The following STK39 variants were observed in gnomAD, a reference collection of about 807,000 sequenced individuals.
STK39 encodes the protein serine/threonine kinase 39, also known as STE20/SPS1-related proline-alanine-rich protein kinase.
STK39 carries 20 observed loss-of-function variants against 77.8 expected under a neutral mutation model. The observed-to-expected ratio is 0.26, with a 90% CI of 0.18 to 0.37. The LOEUF (loss-of-function observed/expected upper bound fraction) is 0.37, where lower values mean the gene tolerates loss of function less well. STK39 is among the 10% of genes least tolerant of loss of function. The pLI is 1.00. For missense variants in STK39, 479 were observed against 656.5 expected (o/e 0.73, Z 2.95); for synonymous variants, 246 against 234.1 (o/e 1.05, Z -0.47).
intron 1 of STK39, among the ~76,000 whole-genome samples, chr2:168,187,251 T>C (rs1689232082): frequency 6.6e-6 from 1 of 151,394 alleles, no homozygotes. Flanking sequence ...CTCAGGAGGG[T>C]GAGGTGGGAG....
In STK39 at chr2:168,090,006, T is replaced by C. The variant is rs544484778; in HGVS notation, c.1090-14775A>G. On this transcript the variant is annotated intron_variant, in intron 10 of 17. Transcript: ENST00000355999. ...CATTAAGTTTTTGAATGCATAGTAA[T>C]GTAAAGATATGAGTTCATGTTTATT... Among the ~76,000 whole-genome samples the C allele has an allele frequency of 1.9e-4, 29 of 152,364 alleles. No homozygotes were observed. In the East Asian group the frequency reaches 5.6e-3, roughly 29 times the overall value.
At chr2:167,972,977 TCCTGGC>T (rs1232258658) in intron 16 of STK39, among the ~76,000 whole-genome samples, 1 of 152,192 alleles carries the variant, frequency 6.6e-6, no homozygotes, top group Non-Finnish European at 1.5e-5. Context: ...CTGCATGCTT[TCCTGGC>T]CCTGTTCTTC....
intron 13 of STK39, among the ~76,000 whole-genome samples, chr2:168,064,973 C>G (rs1468509176): frequency 6.6e-6 from 1 of 152,188 alleles, no homozygotes; most frequent in Non-Finnish European, 1.5e-5. Flanking sequence ...ATTATGAAAA[C>G]AGGTTACAGA....
intron 10 of STK39, among the ~76,000 whole-genome samples, chr2:168,125,318 A>G (rs1687512822): frequency 6.6e-6 from 1 of 152,148 alleles, no homozygotes; most frequent in Non-Finnish European, 1.5e-5. Flanking sequence ...AGTACAGTAA[A>G]AGATGGAACA....
At chr2:168,061,088 G>C (rs895367011) in intron 14 of STK39, among the ~76,000 whole-genome samples, 1 of 152,164 alleles carries the variant, frequency 6.6e-6, no homozygotes, top group Admixed American at 6.5e-5. Flanking sequence ...TTTATCTAGA[G>C]TTGCAGTTCA....
intron 15 of STK39, 98 bp from the exon 16 acceptor site, chr2:168,012,800 C>T: frequency 3.1e-6 from 3 of 975,536 alleles, no homozygotes; most frequent in Admixed American, 3.4e-5. Context: ...ACTAAAATCG[C>T]CCATGAGTTT....
rs576785944 is a variant in STK39, at chr2:168,142,494, T to C, written c.629-1736A>G. Among the ~76,000 whole-genome samples the C allele has an allele frequency of 1.5e-3, 233 of 152,278 alleles. 1 individual carries two copies. Among genetic ancestry groups the C allele is most frequent in the African/African-American group, 5.4e-3 (225 of 41,582 alleles). Reference sequence around the variant, plus strand: ...TTATTTTAAATGCAATTGAAGCAACTCTGCACCCTAAAGTCTCTTCCTAAA... The same window carrying C: ...TTATTTTAAATGCAATTGAAGCAACCCTGCACCCTAAAGTCTCTTCCTAAA... On this transcript the variant is annotated intron_variant, in intron 5 of 17. Coordinates refer to ENST00000355999, the MANE Select transcript of STK39 (RefSeq NM_013233.3).
At chr2:168,034,307 A>G (rs1684898529) in intron 14 of STK39, among the ~76,000 whole-genome samples, 1 of 152,214 alleles carries the variant, frequency 6.6e-6, no homozygotes, top group African/African-American at 2.4e-5. Context: ...GCCCATGAGA[A>G]TCTGAGAAGT....
At chr2:168,231,099 T>C (rs1241057930) in intron 1 of STK39, among the ~76,000 whole-genome samples, 1 of 152,200 alleles carries the variant, frequency 6.6e-6, no homozygotes, top group Non-Finnish European at 1.5e-5. Flanking sequence ...TATGAAATAG[T>C]GATCCAGAAT....
intron 16 of STK39, among the ~76,000 whole-genome samples, chr2:167,966,601 T>C (rs1214898140): frequency 6.6e-6 from 1 of 151,976 alleles, no homozygotes; most frequent in East Asian, 1.9e-4. Flanking sequence ...TTCACAACCC[T>C]CTCTCCGGTG....
intron 1 of STK39, among the ~76,000 whole-genome samples, chr2:168,193,473 G>A (rs1285998235): frequency 6.6e-6 from 1 of 152,202 alleles, no homozygotes. Flanking sequence ...GAACATCATT[G>A]AGTGAGAAGG....
chr2:168,017,521 C>A (rs1188954897), intron 14 of STK39, among the ~76,000 whole-genome samples: 1 of 151,466 alleles, frequency 6.6e-6, no homozygotes, highest in Admixed American at 6.6e-5. Context: ...CAGGCATGTG[C>A]CACCATGTCC....
intron 1 of STK39, among the ~76,000 whole-genome samples, chr2:168,245,147 C>CA (rs547732343): frequency 1.1e-3 from 168 of 152,334 alleles, no homozygotes; most frequent in African/African-American, 3.8e-3. Context: ...CTCTTCCTGT[C>CA]AGAGTTCACA....
chr2:168,159,385 C>T (rs1183801876), intron 5 of STK39, among the ~76,000 whole-genome samples: 1 of 152,146 alleles, frequency 6.6e-6, no homozygotes, highest in Non-Finnish European at 1.5e-5. Flanking sequence ...TCGCCTGTTT[C>T]ACCCACCGAC....
At chr2:168,192,566 G>A (rs956976076) in intron 1 of STK39, among the ~76,000 whole-genome samples, 2 of 152,140 alleles carry the variant, frequency 1.3e-5, no homozygotes, top group Admixed American at 6.5e-5. Flanking sequence ...TGGTTATGAC[G>A]GAGGGTCTGG....
intron 15 of STK39, among the ~76,000 whole-genome samples, chr2:168,015,288 G>A (rs1342864235): frequency 1.3e-5 from 2 of 152,172 alleles, no homozygotes; most frequent in African/African-American, 2.4e-5. Context: ...TACATTTTGT[G>A]CCATATATAT....
At chr2:168,154,782 C>T (rs1403744017) in intron 5 of STK39, among the ~76,000 whole-genome samples, 3 of 152,134 alleles carry the variant, frequency 2.0e-5, no homozygotes, top group Admixed American at 6.5e-5. Context: ...TAGAACATAG[C>T]AAATGCTCAA....
At chr2:168,240,630 T>C (rs553078058) in intron 1 of STK39, among the ~76,000 whole-genome samples, 5 of 152,310 alleles carry the variant, frequency 3.3e-5, no homozygotes, top group African/African-American at 7.2e-5. Flanking sequence ...AGATGATGAA[T>C]ATAGAAGAAA....
At chr2:168,197,774 G>A (rs932212619) in intron 1 of STK39, among the ~76,000 whole-genome samples, 6 of 152,090 alleles carry the variant, frequency 3.9e-5, no homozygotes, top group Non-Finnish European at 5.9e-5. Flanking sequence ...AATGGCTCAC[G>A]CCTATAATCC....
Sources: gnomAD v4.1 joint callset for allele counts (sites outside exome capture counted in the v4.1 genomes callset) on GRCh38, gnomAD v4.1.1 for gene constraint, MANE v1.5 for transcripts, NCBI Gene and HGNC (gene_info 2026-07-23, HGNC 2026-07-21) for gene names.